Variants in EPB41 observed in about 807,000 individuals in gnomAD.
The protein encoded by EPB41 is erythrocyte membrane protein band 4.1.
In EPB41, 65 loss-of-function variants were observed where a neutral mutation model predicts 108.0. The observed-to-expected ratio is 0.60, with a 90% CI of 0.49 to 0.74. The LOEUF (loss-of-function observed/expected upper bound fraction) is 0.74. EPB41 is among the 30% of genes least tolerant of loss of function. EPB41 has a pLI of 0.00. For synonymous variants in EPB41, 336 were observed against 358.9 expected (o/e 0.94, Z 0.72); for missense variants, 875 against 1,037.0 (o/e 0.84, Z 2.15).
intron 20 of EPB41, among the ~76,000 whole-genome samples, chr1:29,116,150 CTT>C (rs537469371): frequency 1.8e-5 from 2 of 113,760 alleles, no homozygotes; most frequent in Non-Finnish European, 3.4e-5. Context: ...ACAGGTCTCT[CTT>C]TTTTTTTTTT....
intron 18 of EPB41, among the ~76,000 whole-genome samples, chr1:29,110,157 G>A (rs570326716): frequency 2.7e-5 from 4 of 146,896 alleles, no homozygotes; most frequent in East Asian, 3.9e-4. Flanking sequence ...GCAACATAGT[G>A]AAACCTCATC....
intron 1 of EPB41, among the ~76,000 whole-genome samples, chr1:28,972,140 C>G (rs577080779): frequency 1.3e-5 from 2 of 152,166 alleles, no homozygotes; most frequent in South Asian, 4.1e-4. Flanking sequence ...CTAGACCAGA[C>G]TGATCTTGAA....
chr1:29,016,806 A>C (rs936940231), intron 6 of EPB41, among the ~76,000 whole-genome samples: 2 of 152,224 alleles, frequency 1.3e-5, no homozygotes, highest in Admixed American at 6.5e-5. Context: ...ATGCTTGTCA[A>C]ATGTTTCTTA....
intron 16 of EPB41, among the ~76,000 whole-genome samples, chr1:29,083,134 A>G (rs945529603): frequency 6.6e-6 from 1 of 152,146 alleles, no homozygotes; most frequent in East Asian, 1.9e-4. Flanking sequence ...AGTGAGCACT[A>G]TAAGGATATA....
upstream of EPB41, among the ~76,000 whole-genome samples, chr1:28,913,401 G>A (rs558545108): frequency 1.8e-3 from 270 of 152,204 alleles, 1 homozygote; most frequent in African/African-American, 6.3e-3. Context: ...TTCCGGCACC[G>A]CACTCCAGCC....
At chr1:28,904,195 T>C (rs537276822) in intron 1 of EPB41, among the ~76,000 whole-genome samples, 1 of 151,608 alleles carries the variant, frequency 6.6e-6, no homozygotes, top group African/African-American at 2.4e-5. Flanking sequence ...TTTAAACTTT[T>C]TCTTGCCATC....
chr1:28,896,009 C>T (rs1016314398), intron 1 of EPB41, among the ~76,000 whole-genome samples: 8 of 152,206 alleles, frequency 5.3e-5, no homozygotes, highest in African/African-American at 1.2e-4. Flanking sequence ...CAGGAGAAGG[C>T]TGGACAGCTT....
chr1:29,006,905 TAAAAAA>T (rs771320169), intron 4 of EPB41, among the ~76,000 whole-genome samples: 1 of 139,986 alleles, frequency 7.1e-6, no homozygotes, highest in Non-Finnish European at 1.6e-5. Context: ...ATCCCAAAAT[TAAAAAA>T]AAAAAAAAGT....
chr1:28,976,947 G>A (rs2095620822), intron 1 of EPB41, among the ~76,000 whole-genome samples: 2 of 152,032 alleles, frequency 1.3e-5, no homozygotes, highest in Non-Finnish European at 2.9e-5. Context: ...CTGCCTCCTG[G>A]GTTCAAGCCA....
intron 11 of EPB41, among the ~76,000 whole-genome samples, chr1:29,051,019 G>A (rs768471559): frequency 5.4e-5 from 8 of 149,380 alleles, no homozygotes; most frequent in African/African-American, 1.2e-4. Flanking sequence ...CTATATATCC[G>A]CTAAGGAATT....
intron 12 of EPB41, among the ~76,000 whole-genome samples, chr1:29,058,364 G>A (rs1443271276): frequency 6.6e-6 from 1 of 151,850 alleles, no homozygotes; most frequent in Non-Finnish European, 1.5e-5. Context: ...TTGATAATTT[G>A]GATATCCATA....
chr1:28,932,523 A>G (rs547634709), intron 1 of EPB41, among the ~76,000 whole-genome samples: 2 of 147,748 alleles, frequency 1.4e-5, no homozygotes, highest in African/African-American at 5.0e-5. Flanking sequence ...AAAAGCAGAT[A>G]TCTTTTTTTT....
At chr1:28,946,025 G>A (rs2094475906) in intron 1 of EPB41, among the ~76,000 whole-genome samples, 1 of 152,136 alleles carries the variant, frequency 6.6e-6, no homozygotes, top group Admixed American at 6.6e-5. Flanking sequence ...GTGAGTTTAT[G>A]CCTTTCAGAT....
chr1:28,945,128 T>C (rs2094448694), intron 1 of EPB41, among the ~76,000 whole-genome samples: 1 of 151,740 alleles, frequency 6.6e-6, no homozygotes, highest in South Asian at 2.1e-4. Context: ...TATAATCCTG[T>C]TTATAAATCT....
chr1:29,082,113 T>G (rs1196628058), intron 16 of EPB41, among the ~76,000 whole-genome samples: 1 of 152,174 alleles, frequency 6.6e-6, no homozygotes. Flanking sequence ...AACTATTTCT[T>G]GGGTTTTTTG....
intron 1 of EPB41, among the ~76,000 whole-genome samples, chr1:28,938,781 C>T (rs920676236): frequency 2.0e-5 from 3 of 152,154 alleles, no homozygotes; most frequent in Non-Finnish European, 4.4e-5. Flanking sequence ...GCTAGGATTA[C>T]AGGCATGAGC....
At chr1:28,992,311 G>A (rs1370655863) in intron 2 of EPB41, among the ~76,000 whole-genome samples, 1 of 152,162 alleles carries the variant, frequency 6.6e-6, no homozygotes, top group Non-Finnish European at 1.5e-5. Context: ...ACACAAGGAA[G>A]TAACATATTC....
chr1:28,924,251 C>T (rs147080386), intron 1 of EPB41, among the ~76,000 whole-genome samples: 97 of 152,290 alleles, frequency 6.4e-4, no homozygotes, highest in African/African-American at 2.2e-3. Context: ...AGCCCCTGGC[C>T]GGGTGCGTGG....
chr1:29,090,021 T>C (rs1236857680), intron 16 of EPB41, among the ~76,000 whole-genome samples: 1 of 152,136 alleles, frequency 6.6e-6, no homozygotes, highest in Non-Finnish European at 1.5e-5. Flanking sequence ...CTCAACACTT[T>C]GGGAGGCTAT....
Sources: allele counts gnomAD v4.1 joint callset (sites outside exome capture counted in the v4.1 genomes callset), GRCh38; gene constraint gnomAD v4.1.1; transcripts MANE v1.5; gene names NCBI Gene and HGNC (gene_info 2026-07-23, HGNC 2026-07-21).